KAZN: variants seen among roughly 807,000 people sequenced by gnomAD.
KAZN encodes kazrin.
In KAZN, 40 loss-of-function variants were observed where a neutral mutation model predicts 87.4. That is an observed-to-expected ratio of 0.46 (90% confidence interval 0.36 to 0.60). KAZN has a LOEUF of 0.60. Ranked by LOEUF, KAZN falls within the 20% of genes least tolerant of loss-of-function variation. The pLI, the probability that KAZN is intolerant of heterozygous loss-of-function variation, is 0.00. For synonymous variants in KAZN, 466 were observed against 458.3 expected (o/e 1.02, Z -0.22); for missense variants, 898 against 1,073.9 (o/e 0.84, Z 2.29).
chr1:14,023,167 T>TA (rs924419677), intron 1 of KAZN, among the ~76,000 whole-genome samples: 17 of 151,344 alleles, frequency 1.1e-4, no homozygotes, highest in East Asian at 9.7e-4. Context: ...ATAATAATAA[T>TA]AAAAAAACAG....
chr1:14,733,575 G>A (rs1445481160), intron 1 of KAZN, among the ~76,000 whole-genome samples: 1 of 152,028 alleles, frequency 6.6e-6, no homozygotes, highest in Non-Finnish European at 1.5e-5. Context: ...TCTCTTTCGG[G>A]GAGTGGGGGA....
chr1:15,035,490 C>T (rs779776081), intron 3 of KAZN, among the ~76,000 whole-genome samples: 39 of 152,096 alleles, frequency 2.6e-4, no homozygotes, highest in African/African-American at 9.4e-4. Flanking sequence ...GAATTTGTTT[C>T]ACCATGTATC....
intron 1 of KAZN, among the ~76,000 whole-genome samples, chr1:14,707,786 T>C (rs1274423814): frequency 6.6e-6 from 1 of 152,186 alleles, no homozygotes; most frequent in Non-Finnish European, 1.5e-5. Context: ...GAGTAGTTGT[T>C]TTAAGTCCAT....
At position 14,018,418 on chromosome 1, in the gene KAZN, C is replaced by T. The variant is rs540354061; in HGVS notation, c.91+124662C>T. Among the ~76,000 whole-genome samples, 19 of 152,270 alleles carry T rather than the reference C, an allele frequency of 1.2e-4. 1 individual carries two copies. The highest frequency in any genetic ancestry group is 6.5e-4 in the Admixed American group (10 of 15,292). On this transcript the variant is annotated intron_variant, in intron 1 of 16. Coordinates refer to the KAZN transcript ENST00000636203. ...CTCCCAGTGTGAACTTGCTGATCTT[C>T]GCCCTTTTGGGAGACATGGTAGAAA...
intron 2 of KAZN, among the ~76,000 whole-genome samples, chr1:14,507,014 C>A (rs566190021): frequency 2.0e-5 from 3 of 152,176 alleles, no homozygotes; most frequent in Non-Finnish European, 4.4e-5. Context: ...AAATTAGGCA[C>A]CCAGATCATC....
At chr1:14,387,907 C>G (rs1398650599) in intron 2 of KAZN, among the ~76,000 whole-genome samples, 1 of 152,238 alleles carries the variant, frequency 6.6e-6, no homozygotes, top group East Asian at 1.9e-4. Flanking sequence ...GCGCCCCTCT[C>G]CCAGCCTCAC....
chr1:14,049,875 C>G (rs1043974502), intron 1 of KAZN, among the ~76,000 whole-genome samples: 16 of 152,228 alleles, frequency 1.1e-4, no homozygotes, highest in African/African-American at 3.9e-4. Context: ...TGTCCAGTCA[C>G]AGCTGTGACA....
chr1:14,221,831 A>T (rs935491363), intron 2 of KAZN: 1 of 152,184 alleles, frequency 6.6e-6, no homozygotes, highest in African/African-American at 2.4e-5. Flanking sequence ...TGTCCCCTTA[A>T]ATCTGATGGT....
At position 15,101,572 on chromosome 1, in the gene KAZN, A is replaced by G. The variant is rs1361437119; in HGVS notation, c.1577A>G (p.His526Arg). Residue 526 changes from histidine to arginine, a missense_variant, in exon 11 of 15, where the codon CAC (histidine) becomes CGC (arginine). By Grantham distance (29) the His-to-Arg change is conservative. Coordinates refer to ENST00000376030, the MANE Select transcript of KAZN (RefSeq NM_201628.3). ...SLSKAAELDH[H>R]WVAKAWLNDI... is the part of the protein sequence containing the mutation. The stretch of plus-strand genomic sequence containing the variant: ...TCCAAAGCTGCCGAGCTGGACCATC[A>G]CTGGGTGGCCAAGGCCTGGCTGAAT... 2.6e-6 allele frequency: 4 copies of G among 1,552,502 alleles called. No homozygotes were observed.
At chr1:14,565,052 G>A (rs1055853787) in intron 2 of KAZN, among the ~76,000 whole-genome samples, 1 of 152,112 alleles carries the variant, frequency 6.6e-6, no homozygotes, top group African/African-American at 2.4e-5. Flanking sequence ...TACACCAAAA[G>A]TGTATAAAAA....
At chr1:14,284,168 G>A (rs913667065) in intron 2 of KAZN, among the ~76,000 whole-genome samples, 3 of 151,996 alleles carry the variant, frequency 2.0e-5, no homozygotes, top group Non-Finnish European at 2.9e-5. Context: ...AATGCATAAG[G>A]GGTTTCTTTT....
intron 2 of KAZN, among the ~76,000 whole-genome samples, chr1:14,487,766 A>G (rs1032181389): frequency 6.6e-6 from 1 of 152,214 alleles, no homozygotes; most frequent in Non-Finnish European, 1.5e-5. Context: ...ACAGCAGTAG[A>G]TATTTTTGAG....
chr1:14,936,853 C>A (rs1660515027), intron 1 of KAZN, among the ~76,000 whole-genome samples: 1 of 152,228 alleles, frequency 6.6e-6, no homozygotes, highest in Non-Finnish European at 1.5e-5. Flanking sequence ...CCAGCACCTG[C>A]TCTGTTCTCG....
At chr1:14,614,208 T>C (rs1212719564) in intron 1 of KAZN, among the ~76,000 whole-genome samples, 1 of 152,194 alleles carries the variant, frequency 6.6e-6, no homozygotes, top group Non-Finnish European at 1.5e-5. Context: ...TGGCCTAATC[T>C]CTCCAGCAGC....
rs763745850 is a variant in KAZN at position 13,893,638 on chromosome 1, G to A, written c.-28G>A. 3 of 1,549,706 alleles carry A rather than the reference G, an allele frequency of 1.9e-6. No individual in the cohort carries two copies. The South Asian group carries it at 3.6e-5, about 18-fold the overall frequency. ...TCCAAGGGTCTGGACGCTGCCACATGACCAACACCAAAGACCCCAAAAGAG... is the reference window on the plus strand; with the variant it reads ...TCCAAGGGTCTGGACGCTGCCACATAACCAACACCAAAGACCCCAAAAGAG... On this transcript the variant is annotated 5_prime_UTR_variant, in exon 1 of 17. Coordinates refer to the KAZN transcript ENST00000636203.
chr1:14,248,354 G>A (rs887501367), intron 2 of KAZN, among the ~76,000 whole-genome samples: 2 of 152,164 alleles, frequency 1.3e-5, no homozygotes, highest in African/African-American at 4.8e-5. Context: ...ACATATATTT[G>A]TTAGCATTTG....
chr1:13,929,322 AAAC>A (rs1640415837), intron 1 of KAZN, among the ~76,000 whole-genome samples: 1 of 152,120 alleles, frequency 6.6e-6, no homozygotes, highest in South Asian at 2.1e-4. Flanking sequence ...ATCCAGTTAA[AAAC>A]TCAGGCTGCT....
In KAZN at chr1:14,961,342, A is replaced by G. The variant is rs568537710; in HGVS notation, c.418+467A>G. Among the ~76,000 whole-genome samples, 33 of 152,298 alleles carry G rather than the reference A, an allele frequency of 2.2e-4. No homozygotes were observed. In the South Asian group the frequency reaches 6.6e-3, roughly 31 times the overall value. On this transcript the variant is annotated intron_variant, in intron 2 of 14. Transcript: ENST00000376030. ...GCCCAGAGGAAGGAGTTGGAAGATG[A>G]CATGGTGTAGTGTCCAGGGGGTCTC...
intron 1 of KAZN, among the ~76,000 whole-genome samples, chr1:14,640,618 A>G (rs1680344749): frequency 6.6e-6 from 1 of 152,214 alleles, no homozygotes; most frequent in Non-Finnish European, 1.5e-5. Flanking sequence ...GCAAGAACCC[A>G]GAGAGCTGCA....
Sources: gnomAD v4.1 joint callset for allele counts (sites outside exome capture counted in the v4.1 genomes callset) on GRCh38, gnomAD v4.1.1 for gene constraint, MANE v1.5 for transcripts, NCBI Gene and HGNC (gene_info 2026-07-23, HGNC 2026-07-21) for gene names.